The following TENM3 variants were observed in gnomAD, a reference collection of about 807,000 sequenced individuals.
TENM3 encodes the protein teneurin transmembrane protein 3.
A neutral mutation model predicts 255.1 loss-of-function variants in TENM3; 63 were observed. The observed-to-expected ratio is 0.25, with a 90% CI of 0.20 to 0.30. The LOEUF (loss-of-function observed/expected upper bound fraction) is 0.30, where lower values mean the gene tolerates loss of function less well. TENM3 is among the 10% of genes least tolerant of loss of function. TENM3 has a pLI of 1.00. For synonymous variants in TENM3, 1,306 were observed against 1,322.3 expected, an observed-to-expected ratio of 0.99 and a Z score of 0.27; for missense variants, 2,929 against 3,461.1, an observed-to-expected ratio of 0.85 and a Z score of 3.86.
chr4:181,640,333 A>G, the TENM3 span, among the ~76,000 whole-genome samples: 3 of 152,210 alleles, frequency 2.0e-5, no homozygotes, highest in South Asian at 4.1e-4. Flanking sequence ...ATCCTAACAA[A>G]AGAAGCAACT....
the TENM3 span, among the ~76,000 whole-genome samples, chr4:181,702,934 C>T: frequency 6.6e-6 from 1 of 152,114 alleles, no homozygotes; most frequent in Non-Finnish European, 1.5e-5. Context: ...GAAAAAAAAG[C>T]TAACACTTAT....
chr4:181,661,918 AC>A, the TENM3 span, among the ~76,000 whole-genome samples: 43,962 of 150,886 alleles, frequency 0.29, 6,895 homozygotes, highest in Non-Finnish European at 0.36. Flanking sequence ...AAAAAAAAAA[AC>A]CTCATTCTGC....
intron 1 of TENM3, among the ~76,000 whole-genome samples, chr4:182,254,570 A>G (rs1463503908): frequency 1.3e-5 from 2 of 152,204 alleles, no homozygotes; most frequent in Non-Finnish European, 2.9e-5. Flanking sequence ...GCTTTGGTTA[A>G]CAGAGCAGAA....
At chr4:182,444,749 T>A (rs1249213895) in intron 3 of TENM3, among the ~76,000 whole-genome samples, 1 of 152,210 alleles carries the variant, frequency 6.6e-6, no homozygotes. Flanking sequence ...GTGGGGCTTA[T>A]CCTGATAAAT....
chr4:181,676,654 T>A, the TENM3 span, among the ~76,000 whole-genome samples: 1 of 152,154 alleles, frequency 6.6e-6, no homozygotes, highest in African/African-American at 2.4e-5. Context: ...TTTCTAACTA[T>A]AAGTCAGAAA....
At chr4:182,264,136 C>G (rs955722958) in intron 1 of TENM3, among the ~76,000 whole-genome samples, 1 of 152,164 alleles carries the variant, frequency 6.6e-6, no homozygotes, top group African/African-American at 2.4e-5. Flanking sequence ...CAGTGTTTAT[C>G]TCTTCTGTAA....
chr4:181,504,909 G>A, the TENM3 span, among the ~76,000 whole-genome samples: 1 of 152,172 alleles, frequency 6.6e-6, no homozygotes, highest in East Asian at 1.9e-4. Flanking sequence ...TGTTTACTTA[G>A]CCCTGCTAGC....
At chr4:182,029,487 T>C in the TENM3 span, among the ~76,000 whole-genome samples, 1 of 90,306 alleles carries the variant, frequency 1.1e-5, no homozygotes, top group African/African-American at 3.3e-5. Context: ...GCTCTATCAA[T>C]ATTTGCTTTA....
chr4:181,632,925 C>T, the TENM3 span, among the ~76,000 whole-genome samples: 3 of 152,128 alleles, frequency 2.0e-5, no homozygotes, highest in Non-Finnish European at 2.9e-5. Flanking sequence ...AAATAAGTGT[C>T]GTCTTGGGTT....
At chr4:182,392,079 G>A (rs369618554) in intron 3 of TENM3, among the ~76,000 whole-genome samples, 70 of 152,274 alleles carry the variant, frequency 4.6e-4, no homozygotes, top group African/African-American at 1.6e-3. Flanking sequence ...TCAAGTCACT[G>A]ATAATACCAA....
intron 3 of TENM3, among the ~76,000 whole-genome samples, chr4:182,444,407 C>G (rs1772738715): frequency 6.6e-6 from 1 of 151,962 alleles, no homozygotes; most frequent in South Asian, 2.1e-4. Context: ...GTAACAATTT[C>G]TTTGATATGC....
chr4:181,919,994 TG>T, the TENM3 span, among the ~76,000 whole-genome samples: 1 of 151,120 alleles, frequency 6.6e-6, no homozygotes, highest in African/African-American at 2.4e-5. Flanking sequence ...TTTGGTTTTT[TG>T]TTCTTGCGAT....
intron 3 of TENM3, among the ~76,000 whole-genome samples, chr4:182,526,127 G>T (rs558162557): frequency 6.6e-6 from 1 of 152,080 alleles, no homozygotes; most frequent in Admixed American, 6.5e-5. Context: ...TTACAGGCAC[G>T]TGCCACCACG....
chr4:181,886,053 T>C, the TENM3 span, among the ~76,000 whole-genome samples: 1 of 147,218 alleles, frequency 6.8e-6, no homozygotes, highest in Non-Finnish European at 1.5e-5. Context: ...CTTGGGTTTT[T>C]TTTTTTTTTT....
intron 1 of TENM3, among the ~76,000 whole-genome samples, chr4:182,182,235 C>G (rs920924536): frequency 6.6e-6 from 1 of 152,084 alleles, no homozygotes; most frequent in Non-Finnish European, 1.5e-5. Flanking sequence ...TTTCAAGAAT[C>G]TCTTCTATTA....
intron 3 of TENM3, among the ~76,000 whole-genome samples, chr4:182,370,669 C>G (rs1336720448): frequency 6.6e-6 from 1 of 152,088 alleles, no homozygotes; most frequent in Non-Finnish European, 1.5e-5. Flanking sequence ...CAGGTTTTCC[C>G]AAGTATTGTT....
At chr4:182,225,429 C>T (rs1156693355) in intron 1 of TENM3, among the ~76,000 whole-genome samples, 5 of 152,070 alleles carry the variant, frequency 3.3e-5, no homozygotes, top group African/African-American at 1.2e-4. Flanking sequence ...GAAGTGGCCC[C>T]GATGTTTGCA....
chr4:181,667,206 A>C, the TENM3 span, among the ~76,000 whole-genome samples: 4 of 152,148 alleles, frequency 2.6e-5, no homozygotes, highest in African/African-American at 9.7e-5. Flanking sequence ...TCATCAGGAC[A>C]TCACTGATGA....
chr4:182,774,838 T>A (rs1250812018), intron 23 of TENM3, 80 bp from the exon 24 acceptor site: 9 of 1,004,664 alleles, frequency 9.0e-6, no homozygotes, highest in Middle Eastern at 2.5e-4. Flanking sequence ...TTTAGAAATT[T>A]AGAACCTATC....
Sources: gnomAD v4.1 joint callset for allele counts (sites outside exome capture counted in the v4.1 genomes callset) on GRCh38, gnomAD v4.1.1 for gene constraint, MANE v1.5 for transcripts, NCBI Gene and HGNC (gene_info 2026-07-23, HGNC 2026-07-21) for gene names.